OLAH: variants seen among roughly 807,000 people sequenced by gnomAD.
OLAH encodes oleoyl-ACP hydrolase.
In OLAH, 33 loss-of-function variants were observed where a neutral mutation model predicts 27.8. That is an observed-to-expected ratio of 1.19 (90% confidence interval 0.90 to 1.59). OLAH has a LOEUF of 1.59. OLAH is among the 40% of genes most tolerant of loss of function. The probability of loss-of-function intolerance (pLI) is 0.00; values close to 1 mark genes in which losing one functional copy is unlikely to be tolerated. For missense variants in OLAH, 359 were observed against 310.8 expected (o/e 1.16, Z -1.17); for synonymous variants, 120 against 102.9 (o/e 1.17, Z -1.01).
At chr10:15,040,864 T>G (rs1412752442), upstream of OLAH, among the ~76,000 whole-genome samples, 1 of 152,194 alleles carries the variant, frequency 6.6e-6, no homozygotes, top group African/African-American at 2.4e-5. Flanking sequence ...TTGCTCCATC[T>G]CAAAGGGATG....
chr10:15,039,654 T>C (rs1843892083), upstream of OLAH, among the ~76,000 whole-genome samples: 1 of 152,180 alleles, frequency 6.6e-6, no homozygotes. Context: ...GATTGTATCT[T>C]TACTCATTGT....
chr10:15,049,872 A>G, intron 3 of OLAH, 107 bp downstream of exon 3: 1 of 1,058,698 alleles, frequency 9.4e-7, no homozygotes, highest in Non-Finnish European at 1.4e-6. Context: ...GGTAATTGAT[A>G]ATAAACTTTC....
intron 1 of OLAH, 56 bp from the exon 2 acceptor site, chr10:15,047,070 T>G: frequency 2.2e-6 from 1 of 460,104 alleles, no homozygotes; most frequent in Admixed American, 3.5e-5. Context: ...ACTGTCATTT[T>G]TTTCTCTTCT....
chr10:15,060,057 C>A (rs1844332765), intron 3 of OLAH, among the ~76,000 whole-genome samples: 1 of 151,954 alleles, frequency 6.6e-6, no homozygotes, highest in Non-Finnish European at 1.5e-5. Flanking sequence ...TTTCCCTCTT[C>A]TCTTCTCTCC....
chr10:15,067,770 A>G (rs930623384), intron 6 of OLAH, among the ~76,000 whole-genome samples: 11 of 152,220 alleles, frequency 7.2e-5, no homozygotes, highest in Middle Eastern at 3.4e-3. Context: ...TTTTTCCAAT[A>G]CAAATGAAAT....
Position 15,073,348 on chromosome 10 carries a change from C to G in OLAH, c.*119C>G, listed in dbSNP as rs1477619990. On this transcript the variant is annotated 3_prime_UTR_variant, in exon 8 of 8. Coordinates refer to ENST00000378228, the MANE Select transcript of OLAH (RefSeq NM_001039702.3). ...CACATTTTCTACTGTCAGGGAGATT[C>G]GTTACATAAATATATTTACGTATCT... The G allele has an allele frequency of 1.5e-6, 1 of 688,080 alleles. No individual in the cohort carries two copies. The highest frequency in any genetic ancestry group is 2.4e-6 in the Non-Finnish European group (1 of 421,382). 42.6% of individuals were successfully genotyped at this position (688,080 alleles called of 1,614,324 possible). A position where few individuals can be genotyped will look rare whatever the true frequency, so the allele number is the denominator to read the frequency against.
Position 15,064,447 on chromosome 10 carries a change from A to G in OLAH, c.347A>G (p.Glu116Gly), listed in dbSNP as rs905051115. Residue 116 changes from glutamate to glycine, a missense_variant, in exon 5 of 8, where the codon GAA becomes GGA. Coordinates refer to ENST00000378228, the MANE Select transcript of OLAH (RefSeq NM_001039702.3). Reference sequence around the variant, plus strand: ...TTTAGGACTGCACTAGGTCTAAAAGAAAACAATCAACCAGAACCATTGCAT... The same window carrying G: ...TTTAGGACTGCACTAGGTCTAAAAGGAAACAATCAACCAGAACCATTGCAT... ...IAFRTALGLK[E>G]NNQPEPLHLF... 2.5e-6 allele frequency: 4 copies of G among 1,598,370 alleles called. No homozygotes were observed. Among genetic ancestry groups the G allele is most frequent in the Non-Finnish European group, 3.4e-6 (4 of 1,174,766 alleles).
chr10:15,054,092 T>C (rs970554071), intron 3 of OLAH, among the ~76,000 whole-genome samples: 1 of 149,584 alleles, frequency 6.7e-6, no homozygotes, highest in South Asian at 2.1e-4. Context: ...AGGCTGAAGT[T>C]CAGTGGCGCA....
At chr10:15,044,611 C>A (rs1002676131) in intron 1 of OLAH, among the ~76,000 whole-genome samples, 5 of 152,026 alleles carry the variant, frequency 3.3e-5, no homozygotes, top group African/African-American at 1.2e-4. Flanking sequence ...TATCCTTTAA[C>A]GTTTCTTTAA....
At chr10:15,036,565 T>C (rs140075910) in intron 1 of OLAH, among the ~76,000 whole-genome samples, 4,498 of 152,264 alleles carry the variant, frequency 0.03, 88 homozygotes, top group African/African-American at 0.042. Flanking sequence ...CACAGCTCAC[T>C]GCAGCCTCAA....
At chr10:15,054,783 T>C (rs916107433) in intron 3 of OLAH, among the ~76,000 whole-genome samples, 2 of 152,232 alleles carry the variant, frequency 1.3e-5, no homozygotes, top group African/African-American at 2.4e-5. Context: ...ATAATTTTTG[T>C]CTTTTTAATC....
chr10:15,065,990 C>T (rs561053377), intron 6 of OLAH, among the ~76,000 whole-genome samples: 1 of 152,230 alleles, frequency 6.6e-6, no homozygotes, highest in East Asian at 1.9e-4. Flanking sequence ...CCTATAATTC[C>T]AGCACTTTGG....
chr10:15,071,224 C>T (rs1042959345), intron 6 of OLAH, among the ~76,000 whole-genome samples: 20 of 152,156 alleles, frequency 1.3e-4, no homozygotes, highest in African/African-American at 4.8e-4. Context: ...CACCTCCTCC[C>T]TCCTGCCAAC....
chr10:15,057,395 C>CT (rs10717821), intron 3 of OLAH, among the ~76,000 whole-genome samples: 12,545 of 93,118 alleles, frequency 0.13, 1,004 homozygotes, highest in East Asian at 0.34. Context: ...TATTTCTGGG[C>CT]TTTTTTTTTT....
chr10:15,048,248 C>G (rs1337935962), intron 2 of OLAH, among the ~76,000 whole-genome samples: 1 of 152,130 alleles, frequency 6.6e-6, no homozygotes, highest in Non-Finnish European at 1.5e-5. Context: ...GACAGAGTCT[C>G]ACTCTGTCAC....
intron 3 of OLAH, among the ~76,000 whole-genome samples, chr10:15,054,896 T>C (rs1229209134): frequency 6.6e-6 from 1 of 152,198 alleles, no homozygotes; most frequent in Non-Finnish European, 1.5e-5. Context: ...GTTTCCACTA[T>C]TTCTGGTTTA....
chr10:15,072,307 C>A (rs1264201034), intron 7 of OLAH, among the ~76,000 whole-genome samples: 1 of 151,812 alleles, frequency 6.6e-6, no homozygotes, highest in Non-Finnish European at 1.5e-5. Context: ...GATTTTTGAC[C>A]AATGTCAACT....
intron 1 of OLAH, among the ~76,000 whole-genome samples, chr10:15,036,788 C>A (rs891682954): frequency 2.6e-5 from 4 of 152,048 alleles, no homozygotes; most frequent in African/African-American, 9.7e-5. Context: ...TTTTTTAAAG[C>A]AAGAATTGTA....
intron 7 of OLAH, 92 bp from the exon 8 acceptor site, chr10:15,072,995 T>C: frequency 8.2e-7 from 1 of 1,219,350 alleles, no homozygotes. Flanking sequence ...TAACCGTACT[T>C]CAGGGTGTCA....
Sources: gnomAD v4.1 joint callset for allele counts (sites outside exome capture counted in the v4.1 genomes callset) on GRCh38, gnomAD v4.1.1 for gene constraint, MANE v1.5 for transcripts, NCBI Gene and HGNC (gene_info 2026-07-23, HGNC 2026-07-21) for gene names.